ANO10: variants seen among roughly 807,000 people sequenced by gnomAD.
ANO10 encodes anoctamin-10.
Under a neutral mutation model 74.7 loss-of-function variants are expected in ANO10, and 77 were observed. The ratio of observed to expected loss-of-function variants is 1.03; its 90% CI spans 0.86 to 1.25. The LOEUF is 1.25. Ranked by LOEUF, ANO10 falls within the 50% of genes most tolerant of loss-of-function variation. The pLI, the probability that ANO10 is intolerant of heterozygous loss-of-function variation, is 0.00. For synonymous variants in ANO10, 279 were observed against 284.9 expected (o/e 0.98, Z 0.21); for missense variants, 721 against 778.1 (o/e 0.93, Z 0.87).
At chr3:43,573,631 C>T (rs1252351071) in intron 7 of ANO10, among the ~76,000 whole-genome samples, 2 of 152,040 alleles carry the variant, frequency 1.3e-5, no homozygotes, top group Non-Finnish European at 2.9e-5. Flanking sequence ...GGTAAACCCC[C>T]GATAAATGAG....
chr3:43,579,590 A>G (rs1357933983), intron 5 of ANO10, among the ~76,000 whole-genome samples: 1 of 152,100 alleles, frequency 6.6e-6, no homozygotes, highest in Non-Finnish European at 1.5e-5. Flanking sequence ...ATGGTGGCAC[A>G]TGCCTGTAAT....
chr3:43,589,463 G>A (rs2081625610), intron 4 of ANO10, among the ~76,000 whole-genome samples: 1 of 152,066 alleles, frequency 6.6e-6, no homozygotes, highest in African/African-American at 2.4e-5. Flanking sequence ...GAGGCGGGTG[G>A]ATCATCTGAG....
chr3:43,616,623 A>T (rs1431289823), intron 1 of ANO10, among the ~76,000 whole-genome samples: 1 of 152,158 alleles, frequency 6.6e-6, no homozygotes, highest in East Asian at 1.9e-4. Context: ...AGGACATAAG[A>T]TGCTCTTGGA....
chr3:43,430,025 G>C (rs570295391), intron 12 of ANO10, among the ~76,000 whole-genome samples: 1 of 152,226 alleles, frequency 6.6e-6, no homozygotes, highest in African/African-American at 2.4e-5. Flanking sequence ...CAAATCCAGT[G>C]AGGACAGGCT....
In ANO10 at chr3:43,365,880, G is replaced by C. The variant is rs1286595046; in HGVS notation, c.*1026C>G. ...GGCATCTGCTGCTGTCCGAGTGGAG[G>C]TGCCCACGGGTCTGTAGTGTCTTGG... On this transcript the variant is annotated 3_prime_UTR_variant, in exon 13 of 13. Transcript: ENST00000292246. The C allele has an allele frequency of 6.6e-6, 1 of 152,490 alleles. No individual in the cohort carries two copies. Among genetic ancestry groups the C allele is most frequent in the African/African-American group, 2.4e-5 (1 of 41,460 alleles). 9.4% of individuals were successfully genotyped at this position (152,490 alleles called of 1,614,324 possible). A position where few individuals can be genotyped will look rare whatever the true frequency, so the allele number is the denominator to read the frequency against.
chr3:43,639,323 T>G (rs2083647456), intron 1 of ANO10, among the ~76,000 whole-genome samples: 1 of 152,206 alleles, frequency 6.6e-6, no homozygotes, highest in African/African-American at 2.4e-5. Context: ...ATCAGATGAC[T>G]CAGCCAGTTT....
intron 11 of ANO10, among the ~76,000 whole-genome samples, chr3:43,518,218 C>T (rs1222488585): frequency 1.3e-5 from 2 of 152,098 alleles, no homozygotes; most frequent in African/African-American, 2.4e-5. Flanking sequence ...ATTAGTTACC[C>T]AAATTAATAC....
chr3:43,448,362 C>T (rs1043026851), intron 11 of ANO10, among the ~76,000 whole-genome samples: 1 of 152,190 alleles, frequency 6.6e-6, no homozygotes, highest in African/African-American at 2.4e-5. Flanking sequence ...TTCCCTCCCC[C>T]TCAACTCCCA....
intron 11 of ANO10, among the ~76,000 whole-genome samples, chr3:43,462,017 G>A (rs1020151957): frequency 8.5e-5 from 13 of 152,202 alleles, no homozygotes; most frequent in African/African-American, 2.7e-4. Context: ...GGCTGAGGTG[G>A]ACTCAGATGG....
chr3:43,612,858 G>A (rs996970039), intron 1 of ANO10, among the ~76,000 whole-genome samples: 8 of 152,046 alleles, frequency 5.3e-5, no homozygotes, highest in African/African-American at 1.9e-4. Context: ...GGCCTTCTAA[G>A]TGAATGTTGG....
intron 11 of ANO10, among the ~76,000 whole-genome samples, chr3:43,440,844 C>A (rs1451551553): frequency 6.6e-6 from 1 of 151,888 alleles, no homozygotes; most frequent in African/African-American, 2.4e-5. Context: ...TGAAATCATA[C>A]CAAGTATAAT....
chr3:43,555,288 C>A lies in ANO10; in HGVS notation c.1658G>T (p.Gly553Val), dbSNP rs1476363008. 1 of 1,613,966 alleles carries A rather than the reference C, an allele frequency of 6.2e-7. No individual in the cohort carries two copies. ...TTCTCAAACAATTACCTGCCACACA[C>A]CAATATTGGCTGAAGGTTCTGAGAA... ...RPFSEPSANI[G>V]VWQLAFETMS... is the part of the protein sequence containing the mutation. Residue 553 changes from glycine to valine, a missense_variant, in exon 10 of 13, where the codon GGT (glycine) becomes GTT (valine). Physicochemically the swap from Gly to Val is moderately radical, Grantham distance 109. Transcript: ENST00000292246.
At position 43,508,877 on chromosome 3, in the gene ANO10, G is replaced by A. The variant is rs560142879; in HGVS notation, c.1797+40843C>T. ...GTTAATGGGTGTAGCACACCAACAT[G>A]GCACATGTATACATATGTAACAAAC... On this transcript the variant is annotated intron_variant, in intron 11 of 12. Transcript: ENST00000292246. 7.2e-4 allele frequency among the ~76,000 whole-genome samples: 107 copies of A among 149,510 alleles called. 1 individual carries two copies. The highest frequency in any genetic ancestry group is 2.5e-3 in the African/African-American group (103 of 40,556).
At chr3:43,687,686 T>C (rs1018592321) in intron 1 of ANO10, among the ~76,000 whole-genome samples, 3 of 152,068 alleles carry the variant, frequency 2.0e-5, no homozygotes, top group African/African-American at 7.2e-5. Context: ...ACCAGGTAAT[T>C]GGTTAGTAGG....
chr3:43,633,580 T>C (rs566435075), intron 1 of ANO10, among the ~76,000 whole-genome samples: 9 of 152,320 alleles, frequency 5.9e-5, no homozygotes, highest in African/African-American at 2.2e-4. Context: ...GGAGAACTGT[T>C]CATTCTAAAT....
At chr3:43,679,757 T>G (rs1208411982) in intron 1 of ANO10, among the ~76,000 whole-genome samples, 2 of 152,094 alleles carry the variant, frequency 1.3e-5, no homozygotes, top group African/African-American at 4.8e-5. Flanking sequence ...AGAAGAATGA[T>G]CAGGCAGCAA....
intron 1 of ANO10, among the ~76,000 whole-genome samples, chr3:43,683,598 C>T (rs1426203514): frequency 6.6e-6 from 1 of 152,116 alleles, no homozygotes; most frequent in Admixed American, 6.5e-5. Flanking sequence ...TCATATGGAA[C>T]CAAAAAAGAG....
chr3:43,602,377 G>A (rs755222860), intron 2 of ANO10, among the ~76,000 whole-genome samples: 1 of 152,026 alleles, frequency 6.6e-6, no homozygotes. Flanking sequence ...TCACTCTGTC[G>A]CCCAGGCTAG....
In ANO10 at chr3:43,505,489, A is replaced by T. The variant is rs565994952; in HGVS notation, c.1797+44231T>A. 2.6e-5 allele frequency among the ~76,000 whole-genome samples: 4 copies of T among 152,356 alleles called. No homozygotes were observed. The East Asian group carries it at 7.7e-4, about 29-fold the overall frequency. Reference sequence around the variant, plus strand: ...ATCTACATGGGTTTACTCAGGTACCAGTGAAACCCACAATTATACCCCATC... The same window carrying T: ...ATCTACATGGGTTTACTCAGGTACCTGTGAAACCCACAATTATACCCCATC... On this transcript the variant is annotated intron_variant, in intron 11 of 12. Transcript: ENST00000292246.
Sources: gnomAD v4.1 joint callset for allele counts (sites outside exome capture counted in the v4.1 genomes callset) on GRCh38, gnomAD v4.1.1 for gene constraint, MANE v1.5 for transcripts, NCBI Gene and HGNC (gene_info 2026-07-23, HGNC 2026-07-21) for gene names.